Variants in TRPM1 observed in about 807,000 individuals in gnomAD.
TRPM1 encodes transient receptor potential cation channel subfamily M member 1.
In TRPM1, 113 loss-of-function variants were observed where a neutral mutation model predicts 149.4. The ratio of observed to expected loss-of-function variants is 0.76; its 90% confidence interval spans 0.65 to 0.88. The LOEUF is 0.88. TRPM1 is among the 40% of genes least tolerant of loss of function. The pLI, the probability that TRPM1 is intolerant of heterozygous loss-of-function variation, is 0.00. For missense variants in TRPM1, 1,976 were observed against 2,038.7 expected (o/e 0.97, Z 0.59); for synonymous variants, 741 against 759.5 (o/e 0.98, Z 0.40).
intron 27 of TRPM1, among the ~76,000 whole-genome samples, chr15:31,025,717 TG>T (rs2032704980): frequency 6.7e-6 from 1 of 149,936 alleles, no homozygotes; most frequent in African/African-American, 2.4e-5. Context: ...CCTGTGAGGC[TG>T]GGAAAGGTGT....
chr15:31,095,577 C>T (rs937513362), intron 1 of TRPM1, among the ~76,000 whole-genome samples: 5 of 151,398 alleles, frequency 3.3e-5, no homozygotes, highest in South Asian at 2.1e-4. Flanking sequence ...CCCAGCTACT[C>T]GGGAGGCTGA....
At chr15:31,053,494 C>T (rs1472897102) in intron 11 of TRPM1, among the ~76,000 whole-genome samples, 1 of 151,784 alleles carries the variant, frequency 6.6e-6, no homozygotes, top group East Asian at 1.9e-4. Context: ...AATTCCTGAC[C>T]TCAGGTGATC....
intron 2 of TRPM1, among the ~76,000 whole-genome samples, 169 bp downstream of exon 2, chr15:31,081,184 C>T (rs1336716703): frequency 6.6e-6 from 1 of 152,050 alleles, no homozygotes; most frequent in Non-Finnish European, 1.5e-5. Flanking sequence ...TGCTGTGGCT[C>T]GGCACCAGGG....
intron 1 of TRPM1, among the ~76,000 whole-genome samples, chr15:31,088,666 A>G (rs924938706): frequency 1.3e-5 from 2 of 152,166 alleles, no homozygotes; most frequent in East Asian, 3.9e-4. Context: ...ACGGACTAGG[A>G]TGGGCATTTC....
At chr15:31,088,657 CG>C (rs1471059664) in intron 1 of TRPM1, among the ~76,000 whole-genome samples, 3 of 152,332 alleles carry the variant, frequency 2.0e-5, no homozygotes, top group Admixed American at 2.0e-4. Flanking sequence ...GCCACACTCA[CG>C]GACTAGGATG....
At chr15:31,088,174 CACCAATCAGCACGCTGTAAAAACGG>C (rs1272194757) in intron 1 of TRPM1, among the ~76,000 whole-genome samples, 2 of 152,054 alleles carry the variant, frequency 1.3e-5, no homozygotes, top group Non-Finnish European at 2.9e-5. Flanking sequence ...GTTTGTAACG[CACCAATCAGCACGCTGTAAAAACGG>C]ACCAATCAGC....
chr15:31,088,895 G>A (rs1357554328), intron 1 of TRPM1, among the ~76,000 whole-genome samples: 2 of 152,024 alleles, frequency 1.3e-5, no homozygotes, highest in Non-Finnish European at 2.9e-5. Context: ...CGGGAGATCA[G>A]TGTTTGCCTA....
At chr15:31,043,649 C>T (rs1255951517) in intron 16 of TRPM1, among the ~76,000 whole-genome samples, 1 of 152,132 alleles carries the variant, frequency 6.6e-6, no homozygotes, top group African/African-American at 2.4e-5. Flanking sequence ...TTCATCTACA[C>T]AGGTTAAAAA....
intron 27 of TRPM1, among the ~76,000 whole-genome samples, chr15:31,005,300 T>C (rs1433477447): frequency 6.6e-6 from 1 of 152,134 alleles, no homozygotes; most frequent in African/African-American, 2.4e-5. Context: ...GAAATGAAGA[T>C]GAATATCTTT....
In TRPM1 at chr15:31,072,475, C is replaced by T. The variant is rs146622877; in HGVS notation, c.84-2249G>A. ...TCTTCAGCTGTTATGAATAATGCTG[C>T]TATGAATATTTATGTAACAAGTTTT... On this transcript the variant is annotated intron_variant, in intron 3 of 27. Transcript: ENST00000256552. Among the ~76,000 whole-genome samples, 415 of 152,222 alleles carry T rather than the reference C, an allele frequency of 2.7e-3. 2 individuals carry two copies. Among genetic ancestry groups the T allele is most frequent in the African/African-American group, 9.4e-3 (389 of 41,548 alleles).
At chr15:31,030,241 G>A (rs1023911564) in intron 23 of TRPM1, among the ~76,000 whole-genome samples, 6 of 152,214 alleles carry the variant, frequency 3.9e-5, no homozygotes, top group African/African-American at 1.4e-4. Flanking sequence ...CAGCAGACAT[G>A]CTATTATAGC....
At chr15:31,062,879 G>T in intron 8 of TRPM1, 177 bp from the exon 9 acceptor site, 2 of 983,366 alleles carry the variant, frequency 2.0e-6, no homozygotes, top group Non-Finnish European at 3.1e-6. Flanking sequence ...TTCCAGCTTT[G>T]TTGCAAACTT....
At chr15:31,127,254 T>A (rs1012387447) in intron 1 of TRPM1, among the ~76,000 whole-genome samples, 1 of 152,210 alleles carries the variant, frequency 6.6e-6, no homozygotes, top group Non-Finnish European at 1.5e-5. Context: ...AGTTTGTGTA[T>A]GTTTCTCATT....
chr15:31,127,956 A>G (rs952020877), intron 1 of TRPM1, among the ~76,000 whole-genome samples: 1 of 152,230 alleles, frequency 6.6e-6, no homozygotes, highest in Non-Finnish European at 1.5e-5. Context: ...AAGCGCTGGC[A>G]TTCTTTCCCT....
intron 9 of TRPM1, among the ~76,000 whole-genome samples, chr15:31,061,813 T>A (rs1043928418): frequency 3.9e-5 from 6 of 152,204 alleles, no homozygotes; most frequent in South Asian, 2.1e-4. Context: ...GCCTCCCAAG[T>A]GGCTGGGATT....
chr15:31,101,718 G>A lies in TRPM1; in HGVS notation c.-145C>T. On this transcript the variant is annotated 5_prime_UTR_variant, in exon 1 of 28. Transcript: ENST00000256552. ...GCTCTTTCAGCCTCCTCCTTGGCCA[G>A]GGCAGGGAGCTGGGTGAGGAGGGCC... is the stretch of plus-strand genomic sequence containing the variant. 1.0e-6 allele frequency: 1 copy of A among 985,970 alleles called. No individual in the cohort carries two copies. The highest frequency in any genetic ancestry group is 4.7e-5 in the South Asian group (1 of 21,290). The allele number at this position is 985,970 out of a possible 1,614,324, so 61.1% of individuals were successfully genotyped here.
Position 31,127,345 on chromosome 15 carries a change from G to A in TRPM1, c.54+33561C>T, listed in dbSNP as rs142817418. On this transcript the variant is annotated intron_variant, in intron 1 of 26. Coordinates refer to the TRPM1 transcript ENST00000542188. ...GCCAAAGGCCTACCAGTCCCCAGGG[G>A]CAGGTGGCCTTTAGTTTACCAGAAA... 9.8e-5 allele frequency among the ~76,000 whole-genome samples: 15 copies of A among 152,338 alleles called. No individual in the cohort carries two copies. The East Asian group carries it at 2.9e-3, about 29-fold the overall frequency.
chr15:31,047,188 T>G lies in TRPM1; in HGVS notation c.1687A>C (p.Met563Leu). The G allele has an allele frequency of 6.2e-7, 1 of 1,614,186 alleles. No individual in the cohort carries two copies. The highest frequency in any genetic ancestry group is 8.5e-7 in the Non-Finnish European group (1 of 1,180,028). Residue 563 changes from methionine (M) to leucine (L), a missense_variant, in exon 15 of 28, where the codon ATG becomes CTG. Physicochemically the swap from Met to Leu is conservative, Grantham distance 15 (BLOSUM62 2). Coordinates refer to ENST00000256552, the MANE Select transcript of TRPM1 (RefSeq NM_001252024.2). ...IDIGLVLEYL[M>L]GGAYRCNYTR... ...TAGTTGCAGCGGTAGGCTCCTCCCA[T>G]GAGGTACTCCAGCACGAGCCCGATG...
chr15:31,109,652 A>G (rs1199314980), intron 1 of TRPM1, among the ~76,000 whole-genome samples: 1 of 151,134 alleles, frequency 6.6e-6, no homozygotes, highest in African/African-American at 2.4e-5. Flanking sequence ...GTGACCCAAG[A>G]TCATGCCACT....
Sources: gnomAD v4.1 joint callset for allele counts (sites outside exome capture counted in the v4.1 genomes callset) on GRCh38, gnomAD v4.1.1 for gene constraint, MANE v1.5 for transcripts, NCBI Gene and HGNC (gene_info 2026-07-23, HGNC 2026-07-21) for gene names.